The following REPS2 variants were observed in gnomAD, a reference collection of about 807,000 sequenced individuals.
REPS2 encodes the protein RALBP1 associated Eps domain containing 2.
REPS2 carries 23 observed loss-of-function variants against 53.6 expected under a neutral mutation model. That is an observed-to-expected ratio of 0.43 (90% CI 0.31 to 0.61). The LOEUF is 0.61. REPS2 is among the 20% of genes least tolerant of loss of function. The pLI is 0.11. For missense variants in REPS2, 446 were observed against 534.9 expected (o/e 0.83, Z 1.64); for synonymous variants, 238 against 218.6 (o/e 1.09, Z -0.78).
At chrX:17,059,290 C>T (rs1002758459) in intron 8 of REPS2, among the ~76,000 whole-genome samples, 7 of 105,374 alleles carry the variant, frequency 6.6e-5, no homozygotes, top group Admixed American at 1.0e-4. Context: ...ACAACACGCC[C>T]GGCCTAGTGT....
intron 14 of REPS2, among the ~76,000 whole-genome samples, chrX:17,116,054 G>A (rs990826515): frequency 9.0e-6 from 1 of 110,913 alleles, no homozygotes; most frequent in Admixed American, 9.6e-5. Context: ...GGTGACACTT[G>A]GCATGCATTT....
chrX:17,069,534 C>T lies in REPS2; in HGVS notation c.1280-406C>T, dbSNP rs181397278. Among the ~76,000 whole-genome samples, 240 of 112,134 alleles carry T rather than the reference C, an allele frequency of 2.1e-3. 1 individual carries two copies. Among genetic ancestry groups the T allele is most frequent in the African/African-American group, 7.0e-3 (216 of 30,880 alleles). ...CAGTAGCGTGTACTCTGACCATTCTCCTAACTGCACAGTGGAATAACTGGG... is the reference window on the plus strand; with the variant it reads ...CAGTAGCGTGTACTCTGACCATTCTTCTAACTGCACAGTGGAATAACTGGG... On this transcript the variant is annotated intron_variant, in intron 10 of 17. Transcript: ENST00000357277.
intron 13 of REPS2, among the ~76,000 whole-genome samples, chrX:17,093,200 A>ATATATATATATATATATATATATAT (rs61196590): frequency 1.8e-3 from 28 of 15,590 alleles, no homozygotes; most frequent in South Asian, 0.011. Context: ...ATATATATAT[A>ATATATATATATATATATATATATAT]ATTTTTTTTT....
chrX:17,174,350 T>C, the REPS2 span, among the ~76,000 whole-genome samples: 1 of 112,356 alleles, frequency 8.9e-6, no homozygotes, highest in African/African-American at 3.2e-5. Flanking sequence ...TTCTCACCTC[T>C]GGTTGCACAG....
chrX:17,153,882 C>T (rs1322635431), downstream of REPS2, among the ~76,000 whole-genome samples: 1 of 111,327 alleles, frequency 9.0e-6, no homozygotes, highest in Non-Finnish European at 1.9e-5. Context: ...CAGGCCCTGA[C>T]CATTCCTAAG....
Position 17,123,766 on chromosome X carries a change from G to T in REPS2, c.1579-10058G>T, listed in dbSNP as rs139118787. Reference sequence around the variant, plus strand: ...AATATTAGTAGCGGTAATATCCAGTGGCACAGATTTAGACTGTGGATAGCC... The same window carrying T: ...AATATTAGTAGCGGTAATATCCAGTTGCACAGATTTAGACTGTGGATAGCC... On this transcript the variant is annotated intron_variant, in intron 14 of 17. Transcript: ENST00000357277. Among the ~76,000 whole-genome samples, 79 of 112,332 alleles carry T rather than the reference G, an allele frequency of 7.0e-4. 2 individuals carry two copies. In the East Asian group the frequency reaches 0.02, roughly 29 times the overall value.
intron 10 of REPS2, among the ~76,000 whole-genome samples, chrX:17,068,938 A>C (rs894752170): frequency 1.8e-5 from 2 of 112,090 alleles, no homozygotes; most frequent in African/African-American, 6.5e-5. Flanking sequence ...CATGGAGCCC[A>C]GCTACAATTT....
chrX:17,128,123 T>C (rs892640858), intron 14 of REPS2, among the ~76,000 whole-genome samples: 1 of 85,047 alleles, frequency 1.2e-5, no homozygotes, highest in Admixed American at 1.4e-4. Context: ...GCATAGTGTC[T>C]CAGGTCAGCT....
intron 14 of REPS2, among the ~76,000 whole-genome samples, chrX:17,112,738 A>G (rs964218061): frequency 5.4e-5 from 6 of 111,007 alleles, no homozygotes; most frequent in Non-Finnish European, 1.1e-4. Flanking sequence ...TTAGCTATAA[A>G]CACTTAACAT....
chrX:17,144,699 C>T (rs2063490505), intron 17 of REPS2, among the ~76,000 whole-genome samples: 1 of 112,234 alleles, frequency 8.9e-6, no homozygotes, highest in Non-Finnish European at 1.9e-5. Context: ...TAAGGAAGGA[C>T]CCCACTGTGC....
At chrX:16,990,471 G>A (rs1302974948) in intron 1 of REPS2, among the ~76,000 whole-genome samples, 1 of 110,195 alleles carries the variant, frequency 9.1e-6, no homozygotes, top group Non-Finnish European at 1.9e-5. Context: ...GTAGCTGGGT[G>A]TAGTGGCAGG....
At chrX:16,998,809 C>T (rs2061263841) in intron 1 of REPS2, among the ~76,000 whole-genome samples, 1 of 112,182 alleles carries the variant, frequency 8.9e-6, no homozygotes, top group African/African-American at 3.2e-5. Flanking sequence ...TACCTCCACT[C>T]CTGCACCGGG....
At chrX:17,182,513 G>A in the REPS2 span, among the ~76,000 whole-genome samples, 2 of 111,782 alleles carry the variant, frequency 1.8e-5, no homozygotes, top group Non-Finnish European at 3.8e-5. Context: ...ATAATCCACA[G>A]TTGAGAACTC....
At chrX:17,013,167 T>G (rs991078373) in intron 2 of REPS2, among the ~76,000 whole-genome samples, 40 of 112,212 alleles carry the variant, frequency 3.6e-4, no homozygotes, top group Middle Eastern at 4.2e-3. Context: ...CTCAACACCC[T>G]ACACTGCAGA....
At chrX:16,950,783 G>T (rs925560975) in intron 1 of REPS2, among the ~76,000 whole-genome samples, 1 of 112,816 alleles carries the variant, frequency 8.9e-6, no homozygotes, top group Non-Finnish European at 1.9e-5. Flanking sequence ...GTGCTGTGGC[G>T]CACGCCTGTA....
intron 11 of REPS2, 73 bp from the exon 12 acceptor site, chrX:17,074,041 T>C: frequency 2.1e-6 from 2 of 948,023 alleles, no homozygotes; most frequent in Non-Finnish European, 1.5e-6. Flanking sequence ...TGATGTGTTC[T>C]GTACTAGCCC....
At chrX:16,952,751 AAAC>A (rs990976274) in intron 1 of REPS2, among the ~76,000 whole-genome samples, 1 of 112,221 alleles carries the variant, frequency 8.9e-6, no homozygotes, top group African/African-American at 3.2e-5. Flanking sequence ...AATTTAAATG[AAAC>A]AACTTTATAT....
intron 5 of REPS2, among the ~76,000 whole-genome samples, chrX:17,037,916 C>G (rs1187082338): frequency 1.8e-5 from 2 of 111,916 alleles, no homozygotes; most frequent in Admixed American, 9.4e-5. Context: ...GTCATGCCCC[C>G]CCAGTTGCCT....
At chrX:17,035,597 G>A (rs763509713) in intron 5 of REPS2, among the ~76,000 whole-genome samples, 2 of 110,774 alleles carry the variant, frequency 1.8e-5, no homozygotes, top group Non-Finnish European at 3.8e-5. Flanking sequence ...GTGTTCATAC[G>A]AACGTGTGTG....
Sources: allele counts gnomAD v4.1 joint callset (sites outside exome capture counted in the v4.1 genomes callset), GRCh38; gene constraint gnomAD v4.1.1; transcripts MANE v1.5; gene names NCBI Gene and HGNC (gene_info 2026-07-23, HGNC 2026-07-21).